FSD1L: variants seen among roughly 807,000 people sequenced by gnomAD.
The protein encoded by FSD1L is fibronectin type III and SPRY domain containing 1 like, also known as FSD1-like protein.
FSD1L carries 45 observed loss-of-function variants against 71.6 expected under a neutral mutation model. The observed-to-expected ratio is 0.63, with a 90% CI of 0.49 to 0.81. The LOEUF (loss-of-function observed/expected upper bound fraction) is 0.81, where lower values mean the gene tolerates loss of function less well. Ranked by LOEUF, FSD1L falls within the 30% of genes least tolerant of loss-of-function variation. The probability of loss-of-function intolerance (pLI) is 0.00; values close to 1 mark genes in which losing one functional copy is unlikely to be tolerated. For missense variants in FSD1L, 561 were observed against 618.1 expected, an observed-to-expected ratio of 0.91 and a Z score of 0.98; for synonymous variants, 197 against 207.2, an observed-to-expected ratio of 0.95 and a Z score of 0.42.
At chr9:105,461,975 T>C (rs1830729441) in intron 2 of FSD1L, among the ~76,000 whole-genome samples, 2 of 150,770 alleles carry the variant, frequency 1.3e-5, no homozygotes, top group African/African-American at 2.4e-5. Context: ...AAAAAAGGCT[T>C]CTCATTAAAA....
chr9:105,509,294 G>A (rs1419206854), intron 9 of FSD1L, among the ~76,000 whole-genome samples: 1 of 152,102 alleles, frequency 6.6e-6, no homozygotes, highest in Non-Finnish European at 1.5e-5. Context: ...GTTTGGAAAG[G>A]TGTGAATAAG....
chr9:105,531,585 C>T (rs549930982), intron 10 of FSD1L, among the ~76,000 whole-genome samples: 79 of 152,272 alleles, frequency 5.2e-4, no homozygotes, highest in African/African-American at 1.7e-3. Context: ...CAAATACTGA[C>T]GTGATTAATT....
chr9:105,505,168 T>G (rs1833978949), intron 7 of FSD1L, among the ~76,000 whole-genome samples: 1 of 152,234 alleles, frequency 6.6e-6, no homozygotes, highest in African/African-American at 2.4e-5. Flanking sequence ...TAAAGTTCCT[T>G]TCTGTTCCGC....
chr9:105,508,425 C>A (rs1292285584), intron 8 of FSD1L, among the ~76,000 whole-genome samples, 192 bp from the exon 9 acceptor site: 1 of 148,728 alleles, frequency 6.7e-6, no homozygotes, highest in African/African-American at 2.5e-5. Flanking sequence ...GATCCGCCCA[C>A]CTGGGCCTTC....
chr9:105,470,126 T>C (rs1831359267), intron 4 of FSD1L, among the ~76,000 whole-genome samples: 1 of 152,212 alleles, frequency 6.6e-6, no homozygotes, highest in Admixed American at 6.5e-5. Flanking sequence ...TGTGTATCTG[T>C]CTTTATGCCA....
chr9:105,505,108 AGT>A (rs1303651528), intron 7 of FSD1L, among the ~76,000 whole-genome samples: 3 of 152,254 alleles, frequency 2.0e-5, no homozygotes, highest in Non-Finnish European at 4.4e-5. Flanking sequence ...ATAAATGTAT[AGT>A]GTCTTATATC....
rs750404609 is a variant in FSD1L, at chr9:105,551,843, T to G, written c.*5360T>G. On this transcript the variant is annotated 3_prime_UTR_variant, in exon 14 of 14. Transcript: ENST00000481272. Reference sequence around the variant, plus strand: ...GCACTTTGAAGTTAGGGCTGCCCAGTGCCACATGCAAAGAGTGTATTTGGT... The same window carrying G: ...GCACTTTGAAGTTAGGGCTGCCCAGGGCCACATGCAAAGAGTGTATTTGGT... 5.3e-5 allele frequency: 8 copies of G among 152,196 alleles called. No homozygotes were observed. Among genetic ancestry groups the G allele is most frequent in the Non-Finnish European group, 5.9e-5 (4 of 68,012 alleles). The allele number at this position is 152,196 out of a possible 1,614,324, so 9.4% of individuals were successfully genotyped here.
intron 8 of FSD1L, among the ~76,000 whole-genome samples, chr9:105,507,884 C>T (rs1328149517): frequency 3.3e-5 from 4 of 122,138 alleles, no homozygotes; most frequent in Admixed American, 1.1e-4. Context: ...GAGCATATCA[C>T]TCTTCTTTTT....
intron 10 of FSD1L, chr9:105,524,417 A>C (rs185801357): frequency 6.2e-7 from 1 of 1,613,698 alleles, no homozygotes. Flanking sequence ...AGAGGTTGGT[A>C]GTATCTTTAC....
At chr9:105,526,270 C>T (rs543290401) in intron 10 of FSD1L, 14 of 1,603,964 alleles carry the variant, frequency 8.7e-6, no homozygotes, top group Non-Finnish European at 1.2e-5. Flanking sequence ...TGTCCAGCAC[C>T]ACTTAGAACC....
chr9:105,517,193 C>T (rs1402635281), intron 10 of FSD1L, among the ~76,000 whole-genome samples: 9 of 152,168 alleles, frequency 5.9e-5, no homozygotes, highest in Admixed American at 4.6e-4. Flanking sequence ...ACCAAATCTA[C>T]ATTTGATTGG....
At chr9:105,474,974 T>C (rs974607316) in intron 5 of FSD1L, among the ~76,000 whole-genome samples, 3 of 152,234 alleles carry the variant, frequency 2.0e-5, no homozygotes, top group Non-Finnish European at 4.4e-5. Flanking sequence ...AGTAAATTTA[T>C]GCAGACGGAT....
intron 7 of FSD1L, among the ~76,000 whole-genome samples, chr9:105,501,803 A>C (rs1175460531): frequency 2.0e-5 from 3 of 152,068 alleles, no homozygotes; most frequent in Non-Finnish European, 4.4e-5. Flanking sequence ...TAGTTTACCA[A>C]ACACAGACTG....
chr9:105,529,668 A>G (rs752654634), intron 10 of FSD1L, among the ~76,000 whole-genome samples: 1 of 152,116 alleles, frequency 6.6e-6, no homozygotes, highest in Non-Finnish European at 1.5e-5. Flanking sequence ...TTCCTAAGGT[A>G]GGTGACCGGT....
chr9:105,484,521 T>C lies in FSD1L; in HGVS notation c.586+19T>C. 2 of 1,436,468 alleles carry C rather than the reference T, an allele frequency of 1.4e-6. No individual in the cohort carries two copies. The highest frequency in any genetic ancestry group is 1.8e-6 in the Non-Finnish European group (2 of 1,093,248). 89.0% of individuals were successfully genotyped at this position (1,436,468 alleles called of 1,614,324 possible). On this transcript the variant is annotated intron_variant, in intron 7 of 13. Coordinates refer to ENST00000481272, the MANE Select transcript of FSD1L (RefSeq NM_001145313.3). ...TTGCCAGGTAAATACATGTATTACA[T>C]GTAAAGTTTTGTATAAAACTTTTTT... is the stretch of plus-strand genomic sequence containing the variant.
At chr9:105,536,376 A>T (rs939733499) in intron 12 of FSD1L, among the ~76,000 whole-genome samples, 5 of 151,920 alleles carry the variant, frequency 3.3e-5, no homozygotes, top group Admixed American at 6.6e-5. Flanking sequence ...TTAAAATTTA[A>T]TTTTTCCAAG....
chr9:105,450,486 A>G (rs1163264778), intron 1 of FSD1L, among the ~76,000 whole-genome samples: 1 of 152,008 alleles, frequency 6.6e-6, no homozygotes, highest in Non-Finnish European at 1.5e-5. Flanking sequence ...TAAAACAGAG[A>G]TAACAATAAT....
intron 7 of FSD1L, among the ~76,000 whole-genome samples, chr9:105,498,866 C>G (rs149153474): frequency 6.6e-6 from 1 of 152,068 alleles, no homozygotes; most frequent in African/African-American, 2.4e-5. Context: ...TCAAGTGATC[C>G]GCCCCCCTCC....
At chr9:105,508,574 C>A (rs1296287310) in intron 8 of FSD1L, 43 bp from the exon 9 acceptor site, 21 of 1,136,602 alleles carry the variant, frequency 1.8e-5, no homozygotes, top group East Asian at 5.2e-5. Flanking sequence ...GGAATAGAAT[C>A]CTTTACTGTA....
Sources: gnomAD v4.1 joint callset for allele counts (sites outside exome capture counted in the v4.1 genomes callset) on GRCh38, gnomAD v4.1.1 for gene constraint, MANE v1.5 for transcripts, NCBI Gene and HGNC (gene_info 2026-07-23, HGNC 2026-07-21) for gene names.